The following SMOC2 variants were observed in gnomAD, a reference collection of about 807,000 sequenced individuals.
SMOC2 encodes SPARC related modular calcium binding 2.
Under a neutral mutation model 61.4 loss-of-function variants are expected in SMOC2, and 39 were observed. The observed-to-expected ratio is 0.64, with a 90% CI of 0.49 to 0.83. The LOEUF (loss-of-function observed/expected upper bound fraction) is 0.83. Among genes scored for constraint, SMOC2 ranks in the 40% least tolerant of loss-of-function variants. SMOC2 has a pLI of 0.00. For missense variants in SMOC2, 556 were observed against 592.9 expected (o/e 0.94, Z 0.65); for synonymous variants, 247 against 239.9 (o/e 1.03, Z -0.27).
chr6:168,491,920 AT>A (rs1486148203), intron 1 of SMOC2, among the ~76,000 whole-genome samples: 1 of 152,118 alleles, frequency 6.6e-6, no homozygotes, highest in Non-Finnish European at 1.5e-5. Context: ...TCGAAATATT[AT>A]TTTTAACCAT....
At chr6:168,483,151 T>C (rs915328573) in intron 1 of SMOC2, among the ~76,000 whole-genome samples, 17 of 151,848 alleles carry the variant, frequency 1.1e-4, no homozygotes, top group African/African-American at 3.9e-4. Flanking sequence ...TGATATGATT[T>C]TATGTGTTAA....
rs891295080 is a variant in SMOC2, at chr6:168,526,360, G to A, written c.271G>A (p.Val91Met). Residue 91 changes from valine to methionine, a missense_variant, in exon 3 of 13, where the codon GTG (valine) becomes ATG (methionine). Val to Met is a conservative substitution (Grantham distance 21, BLOSUM62 1). Transcript: ENST00000356284. ...CTTCCCTACAGACGTGTCCAGGTGT[G>A]TGGCCGAAAGGAAGTATACCCAGGA... Reference protein sequence around the residue: ...RGNCKDVSRCVAERKYTQEQA... With the variant: ...RGNCKDVSRCMAERKYTQEQA... The A allele has an allele frequency of 3.1e-6, 5 of 1,614,088 alleles. No homozygotes were observed. The highest frequency in any genetic ancestry group is 4.2e-6 in the Non-Finnish European group (5 of 1,180,042).
intron 2 of SMOC2, among the ~76,000 whole-genome samples, chr6:168,514,507 CGT>C (rs1392033210): frequency 1.3e-5 from 2 of 152,200 alleles, no homozygotes; most frequent in African/African-American, 2.4e-5. Flanking sequence ...GTCTGACCGA[CGT>C]GTGTGAGACT....
intron 2 of SMOC2, among the ~76,000 whole-genome samples, chr6:168,518,865 G>A (rs1176047040): frequency 8.0e-6 from 1 of 124,540 alleles, no homozygotes. Flanking sequence ...CCTTGTGTAT[G>A]AATGTATTCA....
At chr6:168,657,517 G>A (rs1787356537) in intron 11 of SMOC2, among the ~76,000 whole-genome samples, 1 of 152,154 alleles carries the variant, frequency 6.6e-6, no homozygotes, top group Admixed American at 6.6e-5. Flanking sequence ...CCCTTTCTCT[G>A]TATTCAGCAC....
intron 11 of SMOC2, among the ~76,000 whole-genome samples, chr6:168,659,957 GGTGAGGTTGTAGATTATAGGCTGA>G (rs1787462950): frequency 1.9e-5 from 2 of 104,664 alleles, no homozygotes; most frequent in Admixed American, 9.7e-5. Context: ...TTGTAGGTTG[GGTGAGGTTGTAGATTATAGGCTGA>G]GTGAGGGTGG....
At chr6:168,450,715 G>T (rs1192099018) in intron 1 of SMOC2, among the ~76,000 whole-genome samples, 2 of 152,158 alleles carry the variant, frequency 1.3e-5, no homozygotes, top group African/African-American at 4.8e-5. Flanking sequence ...TGGAGCTTTG[G>T]TTCATTGATA....
At chr6:168,592,529 A>C (rs866190208) in intron 7 of SMOC2, among the ~76,000 whole-genome samples, 2 of 71,518 alleles carry the variant, frequency 2.8e-5, no homozygotes, top group African/African-American at 1.0e-4. Context: ...CCTCACGGGC[A>C]TCTTTCTAGA....
chr6:168,655,862 T>G (rs1431856946), intron 11 of SMOC2, among the ~76,000 whole-genome samples: 1 of 151,842 alleles, frequency 6.6e-6, no homozygotes, highest in Non-Finnish European at 1.5e-5. Context: ...CTCGATCCCT[T>G]GCATGTGTGA....
intron 9 of SMOC2, among the ~76,000 whole-genome samples, chr6:168,635,274 G>A (rs1348308260): frequency 1.3e-5 from 2 of 152,220 alleles, no homozygotes; most frequent in African/African-American, 2.4e-5. Flanking sequence ...CGGACATCGA[G>A]CAGTTTATCA....
chr6:168,545,224 A>G (rs1783963712), intron 5 of SMOC2, among the ~76,000 whole-genome samples: 1 of 151,642 alleles, frequency 6.6e-6, no homozygotes. Flanking sequence ...GCATTTCTTA[A>G]TCCTGTTTAT....
rs11962212 is a variant in SMOC2, at chr6:168,611,474, T to C, written c.907+3235T>C. The stretch of plus-strand genomic sequence containing the variant: ...CCCATGTCTGGCCCTGCACTGGTTC[T>C]CATGTCCGGGACCCACCGTGGCTCC... On this transcript the variant is annotated intron_variant, in intron 9 of 12. Coordinates refer to ENST00000356284, the MANE Select transcript of SMOC2 (RefSeq NM_001166412.2). Among the ~76,000 whole-genome samples the C allele has an allele frequency of 2.2e-4, 24 of 110,802 alleles. No homozygotes were observed. The South Asian group carries it at 2.5e-3, about 12-fold the overall frequency. The allele number at this position is 110,802 out of a possible 152,430, so 72.7% of individuals were successfully genotyped here.
chr6:168,648,045 G>GGGGAATAT (rs1303765058), intron 9 of SMOC2, among the ~76,000 whole-genome samples: 1 of 149,298 alleles, frequency 6.7e-6, no homozygotes, highest in African/African-American at 2.6e-5. Context: ...ATCTCATTTG[G>GGGGAATAT]GGGAATATGA....
At chr6:168,539,549 G>C (rs1437507757) in intron 4 of SMOC2, among the ~76,000 whole-genome samples, 1 of 152,248 alleles carries the variant, frequency 6.6e-6, no homozygotes, top group East Asian at 1.9e-4. Flanking sequence ...TGGTGTCTGG[G>C]TCCCAGGACA....
At chr6:168,466,864 TG>T (rs1261095347) in intron 1 of SMOC2, among the ~76,000 whole-genome samples, 1 of 152,160 alleles carries the variant, frequency 6.6e-6, no homozygotes, top group Non-Finnish European at 1.5e-5. Context: ...AATAGCCCGG[TG>T]GGGCGGTAAA....
At chr6:168,596,674 C>A (rs60325790) in intron 7 of SMOC2, among the ~76,000 whole-genome samples, 4 of 152,106 alleles carry the variant, frequency 2.6e-5, no homozygotes, top group Non-Finnish European at 5.9e-5. Context: ...TTTCGCACAA[C>A]CCCTGCTGTT....
intron 1 of SMOC2, among the ~76,000 whole-genome samples, chr6:168,447,878 G>C (rs921201235): frequency 6.6e-6 from 1 of 151,416 alleles, no homozygotes; most frequent in Admixed American, 6.6e-5. Context: ...CCTTGCCTGC[G>C]TCAGGGTGTT....
chr6:168,545,318 A>G (rs145735867), intron 5 of SMOC2, among the ~76,000 whole-genome samples: 1 of 152,124 alleles, frequency 6.6e-6, no homozygotes, highest in Non-Finnish European at 1.5e-5. Context: ...AGGAAAGAAC[A>G]CACCCCCCAC....
chr6:168,543,802 G>C (rs985616004), intron 5 of SMOC2, 130 bp downstream of exon 5: 23 of 828,594 alleles, frequency 2.8e-5, no homozygotes, highest in Non-Finnish European at 4.4e-5. Context: ...TGTTACTTCT[G>C]CATTCATTCA....
Sources: allele counts gnomAD v4.1 joint callset (sites outside exome capture counted in the v4.1 genomes callset), GRCh38; gene constraint gnomAD v4.1.1; transcripts MANE v1.5; gene names NCBI Gene and HGNC (gene_info 2026-07-23, HGNC 2026-07-21).